The following DNAI3 variants were observed in gnomAD, a reference collection of about 807,000 sequenced individuals.
DNAI3 encodes the protein WD repeat domain 63.
DNAI3 carries 83 observed loss-of-function variants against 115.5 expected under a neutral mutation model. That is an observed-to-expected ratio of 0.72 (90% CI 0.60 to 0.86). The LOEUF (loss-of-function observed/expected upper bound fraction) is 0.86, where lower values mean the gene tolerates loss of function less well. Among genes scored for constraint, DNAI3 ranks in the 40% least tolerant of loss-of-function variants. The probability of loss-of-function intolerance (pLI) is 0.00; values close to 1 mark genes in which losing one functional copy is unlikely to be tolerated. For missense variants in DNAI3, 1,004 were observed against 1,075.8 expected, an observed-to-expected ratio of 0.93 and a Z score of 0.93; for synonymous variants, 320 against 347.0, an observed-to-expected ratio of 0.92 and a Z score of 0.86.
chr1:85,098,134 G>C (rs1441583199), intron 12 of DNAI3, among the ~76,000 whole-genome samples: 1 of 152,184 alleles, frequency 6.6e-6, no homozygotes, highest in Non-Finnish European at 1.5e-5. Context: ...TAAGAGGGTT[G>C]AGAAGATTAC....
chr1:85,113,133 A>G (rs550193884), intron 16 of DNAI3, among the ~76,000 whole-genome samples: 1 of 152,300 alleles, frequency 6.6e-6, no homozygotes, highest in East Asian at 1.9e-4. Flanking sequence ...GTTCTTTCTC[A>G]GGACTAGTGA....
rs756692884 is a variant in DNAI3, at chr1:85,093,643, T to C, written c.1043T>C (p.Ile348Thr). The C allele has an allele frequency of 1.9e-6, 3 of 1,613,796 alleles. No individual in the cohort carries two copies. The highest frequency in any genetic ancestry group is 3.3e-5 in the Admixed American group (2 of 60,024). The part of the protein sequence containing the change: ...MITCVSWHPT[I>T]YGLIAVSVAV... ...ACCTGTGTCTCATGGCATCCAACTA[T>C]CTATGGTGAGATGGAAATGATGGGG... Residue 348 changes from isoleucine (I) to threonine (T), a missense_variant, in exon 9 of 23, where the codon ATC becomes ACC. Ile to Thr is a moderately conservative substitution (Grantham distance 89). Transcript: ENST00000294664.
rs544660942 is a variant in DNAI3, at chr1:85,093,604, C to T, written c.1004C>T (p.Thr335Met). ...TCCTTTACCGACCTTCATAGCCCAA[C>T]GGAGAAAATGATTACCTGTGTCTCA... ...YQSFTDLHSP[T>M]EKMITCVSWH... Residue 335 changes from threonine (T) to methionine (M), a missense_variant, in exon 9 of 23, where the codon ACG (threonine) becomes ATG (methionine). By Grantham distance (81) the Thr-to-Met change is moderately conservative. Transcript: ENST00000294664. The T allele has an allele frequency of 2.2e-5, 35 of 1,614,098 alleles. No homozygotes were observed. The highest frequency in any genetic ancestry group is 2.0e-4 in the East Asian group (9 of 44,870).
chr1:85,124,534 A>AT (rs1656076453), intron 19 of DNAI3, among the ~76,000 whole-genome samples: 1 of 152,030 alleles, frequency 6.6e-6, no homozygotes, highest in East Asian at 1.9e-4. Context: ...CTTCACTGGC[A>AT]TTTTTTGGGG....
rs1462954887 is a variant in DNAI3, at chr1:85,066,484, G to A, written c.-15+3998G>A. The stretch of plus-strand genomic sequence containing the variant: ...TGAGACTACAGGCGCCTGCCACCAC[G>A]CCTGGATAATTTTTTTGTATTTTTA... On this transcript the variant is annotated intron_variant, in intron 1 of 22. Transcript: ENST00000294664. Among the ~76,000 whole-genome samples, 5 of 151,624 alleles carry A rather than the reference G, an allele frequency of 3.3e-5. No homozygotes were observed. In the South Asian group the frequency reaches 8.4e-4, roughly 25 times the overall value.
chr1:85,116,215 C>T (rs116578934), intron 16 of DNAI3, among the ~76,000 whole-genome samples: 3,056 of 152,320 alleles, frequency 0.02, 67 homozygotes, highest in Non-Finnish European at 0.025. Context: ...CTTGCTGTCT[C>T]CTGGGTTTAA....
intron 17 of DNAI3, among the ~76,000 whole-genome samples, chr1:85,118,311 A>T (rs1322648209): frequency 6.6e-6 from 1 of 152,230 alleles, no homozygotes; most frequent in African/African-American, 2.4e-5. Context: ...TGTAATAATA[A>T]CCAAAGCGAG....
rs545531966 is a variant in DNAI3, at chr1:85,101,213, T to C, written c.1479+2555T>C. ...GAGTTGTAAGAGGTGATTATCATTA[T>C]ACCAGTTTTAAGAGGTATTCAAATG... On this transcript the variant is annotated intron_variant, in intron 13 of 22. Transcript: ENST00000294664. Among the ~76,000 whole-genome samples, 3 of 152,292 alleles carry C rather than the reference T, an allele frequency of 2.0e-5. No individual in the cohort carries two copies. The East Asian group carries it at 5.8e-4, about 29-fold the overall frequency.
intron 14 of DNAI3, among the ~76,000 whole-genome samples, chr1:85,107,144 G>A (rs887686860): frequency 6.6e-6 from 1 of 152,206 alleles, no homozygotes; most frequent in African/African-American, 2.4e-5. Context: ...CTGATAGAAT[G>A]TAAAAATGGT....
Position 85,108,096 on chromosome 1 carries a change from G to A in DNAI3, c.1617G>A (p.Lys539=). 6.2e-7 allele frequency: 1 copy of A among 1,610,242 alleles called. No individual in the cohort carries two copies. The highest frequency in any genetic ancestry group is 1.7e-4 in the Middle Eastern group (1 of 6,040). ...TAACCCCCCAAACAACAGAGAAAAA[G>A]AAGGAGGAAAGTATTGAAATTCCTT... ...KPLTPQTTEK[K]KEESIEIPFD... is the part of the protein sequence containing the mutation. Residue 539 remains lysine, a synonymous_variant, in exon 15 of 23, where the codon AAG becomes AAA. Coordinates refer to ENST00000294664, the MANE Select transcript of DNAI3 (RefSeq NM_145172.5).
intron 15 of DNAI3, among the ~76,000 whole-genome samples, chr1:85,109,328 G>T (rs558751956): frequency 6.6e-6 from 1 of 152,122 alleles, no homozygotes; most frequent in South Asian, 2.1e-4. Context: ...TTTTGTATTT[G>T]CTCCCAATGG....
intron 17 of DNAI3, among the ~76,000 whole-genome samples, chr1:85,119,002 A>C (rs1197278844): frequency 6.6e-6 from 1 of 152,194 alleles, no homozygotes; most frequent in Non-Finnish European, 1.5e-5. Context: ...TTGGAATCCA[A>C]TACTGAAGAG....
intron 14 of DNAI3, among the ~76,000 whole-genome samples, chr1:85,107,226 T>G (rs1655513892): frequency 6.6e-6 from 1 of 152,174 alleles, no homozygotes; most frequent in Non-Finnish European, 1.5e-5. Flanking sequence ...AACCCAGCAA[T>G]TCCAGTCCTA....
At chr1:85,114,938 A>G (rs1017296258) in intron 16 of DNAI3, among the ~76,000 whole-genome samples, 1 of 152,178 alleles carries the variant, frequency 6.6e-6, no homozygotes, top group Non-Finnish European at 1.5e-5. Context: ...CACTTTAAGA[A>G]ATTCTGTATT....
At chr1:85,096,140 G>C in intron 11 of DNAI3, 120 bp downstream of exon 11, 1 of 857,834 alleles carries the variant, frequency 1.2e-6, no homozygotes, top group Non-Finnish European at 1.9e-6. Context: ...CATGCCAATT[G>C]TGTGCCAGAC....
chr1:85,076,691 C>T (rs1053755010), intron 3 of DNAI3, among the ~76,000 whole-genome samples: 7 of 152,096 alleles, frequency 4.6e-5, no homozygotes, highest in South Asian at 4.2e-4. Flanking sequence ...GAGAACAGCA[C>T]GGGAAAGACC....
intron 19 of DNAI3, 129 bp from the exon 20 acceptor site, chr1:85,126,382 C>A: frequency 1.1e-6 from 1 of 925,646 alleles, no homozygotes. Flanking sequence ...AGTAAGACTT[C>A]CTGTGGGCAT....
rs1479777334 is a variant in DNAI3 at position 85,132,909 on chromosome 1, G to A, written c.2587G>A (p.Glu863Lys). The change falls in exon 23 of 23, where the codon GAG becomes AAG. Residue 863 changes from glutamate (E) to lysine (K), a missense_variant. Physicochemically the swap from Glu to Lys is moderately conservative, Grantham distance 56. This residue lies in a region of DNAI3 where 429 missense variants were observed against 454.3 expected (regional missense o/e 0.94). Transcript: ENST00000294664. ...GCAGGCTGAATTAAAAATGGACTAT[G>A]AGAGTTATCTGGAACTGGAAAAGAC... ...QMQAELKMDY[E>K]SYLELEKTVL... 4 of 1,613,866 alleles carry A rather than the reference G, an allele frequency of 2.5e-6. No homozygotes were observed. In the African/African-American group the frequency reaches 5.3e-5, roughly 22 times the overall value.
Position 85,093,438 on chromosome 1 carries a change from T to C in DNAI3, c.858-20T>C. 1.2e-6 allele frequency: 2 copies of C among 1,610,444 alleles called. No homozygotes were observed. Among genetic ancestry groups the C allele is most frequent in the Non-Finnish European group, 1.7e-6 (2 of 1,178,214 alleles). On this transcript the variant is annotated intron_variant, in intron 8 of 22. Coordinates refer to ENST00000294664, the MANE Select transcript of DNAI3 (RefSeq NM_145172.5). ...CTAAAAACCAATATCTTAATTGCTT[T>C]TTTTATTTTTACAAATTAGTGTTGA...
Sources: gnomAD v4.1 joint callset for allele counts (sites outside exome capture counted in the v4.1 genomes callset) on GRCh38, gnomAD v4.1.1 for gene constraint, gnomAD v4.1.1 regional missense constraint, MANE v1.5 for transcripts, NCBI Gene and HGNC (gene_info 2026-07-23, HGNC 2026-07-21) for gene names.